The following SPEG variants were observed in gnomAD, a reference collection of about 807,000 sequenced individuals.
The protein encoded by SPEG is striated muscle preferentially expressed protein kinase.
In SPEG, 114 loss-of-function variants were observed where a neutral mutation model predicts 300.4. The ratio of observed to expected loss-of-function variants is 0.38; its 90% CI spans 0.33 to 0.44. The LOEUF (loss-of-function observed/expected upper bound fraction) is 0.44. SPEG is among the 20% of genes least tolerant of loss of function. The pLI is 1.00. For missense variants in SPEG, 4,201 were observed against 4,586.2 expected, an observed-to-expected ratio of 0.92 and a Z score of 2.43; for synonymous variants, 1,964 against 2,018.9, an observed-to-expected ratio of 0.97 and a Z score of 0.73.
rs1484858056 is a variant in SPEG at position 219,442,115 on chromosome 2, G to A, written c.389-2538G>A. The A allele has an allele frequency of 5.1e-6, 6 of 1,178,808 alleles. No individual in the cohort carries two copies. In the Admixed American group the frequency reaches 2.3e-4, roughly 45 times the overall value. The allele number at this position is 1,178,808 out of a possible 1,614,324, so 73.0% of individuals were successfully genotyped here. On this transcript the variant is annotated intron_variant, in intron 1 of 40. Coordinates refer to ENST00000312358, the MANE Select transcript of SPEG (RefSeq NM_005876.5). ...GCTCCGGGGGCGGGCGGCGCCGGGA[G>A]GGGGCAGGGAGGCCTGGGCGCCCCG...
In SPEG at chr2:219,473,095, C is replaced by A; in HGVS notation, c.4146C>A (p.His1382Gln). Residue 1382 changes from histidine to glutamine, a missense_variant and splice_region_variant, in exon 16 of 41, where the codon CAC becomes CAA. By Grantham distance (24) the His-to-Gln change is conservative. Around this residue, in one of 4 missense-constraint regions of SPEG, gnomAD observed 1,047 missense variants for 1,356.8 expected, o/e 0.77. Coordinates refer to ENST00000312358, the MANE Select transcript of SPEG (RefSeq NM_005876.5). The surrounding 1 kb of genome is among the most constrained non-coding windows in gnomAD (Gnocchi z 4.6). ...PPSEPVQLLE[H>Q]GPTLEEAPAM... Reference sequence around the variant, plus strand: ...CTGAGCCTGTGCAGCTGCTGGAGCACGGTGAGCCTGGGTGCTCCTGTCGGG... The same window carrying A: ...CTGAGCCTGTGCAGCTGCTGGAGCAAGGTGAGCCTGGGTGCTCCTGTCGGG... 1 of 1,613,234 alleles carries A rather than the reference C, an allele frequency of 6.2e-7. No individual in the cohort carries two copies. The highest frequency in any genetic ancestry group is 8.5e-7 in the Non-Finnish European group (1 of 1,179,822).
rs749373078 is a variant in SPEG at position 219,488,579 on chromosome 2, C to T, written c.7940C>T (p.Ala2647Val). 46 of 1,612,002 alleles carry T rather than the reference C, an allele frequency of 2.9e-5. No individual in the cohort carries two copies. Among genetic ancestry groups the T allele is most frequent in the South Asian group, 4.4e-5 (4 of 90,908 alleles). The change falls in exon 33 of 41, where the codon GCG becomes GTG. Residue 2647 changes from alanine to valine, a missense_variant. Ala to Val is a moderately conservative substitution (Grantham distance 64). This residue lies in a region of SPEG where 1,578 missense variants were observed against 1,506.0 expected (regional missense o/e 1.05). Transcript: ENST00000312358. ...CGGCAGCTGCTCAGCATCCCCCGGG[C>T]GGGCAAGCGGCACGCCGGTCTCTAT... ...DGRQLLSIPR[A>V]GKRHAGLYEC...
In SPEG at chr2:219,475,960, G is replaced by A. The variant is rs534411916; in HGVS notation, c.4448-910G>A. On this transcript the variant is annotated intron_variant, in intron 18 of 40. Coordinates refer to ENST00000312358, the MANE Select transcript of SPEG (RefSeq NM_005876.5). ...GAAGGGTGGGGGTCCACACCCGGCCGCCCTGCCTTCCCAAGTGCCTGACTC... is the reference window on the plus strand; with the variant it reads ...GAAGGGTGGGGGTCCACACCCGGCCACCCTGCCTTCCCAAGTGCCTGACTC... Among the ~76,000 whole-genome samples, 266 of 144,870 alleles carry A rather than the reference G, an allele frequency of 1.8e-3. 1 individual carries two copies. Among genetic ancestry groups the A allele is most frequent in the African/African-American group, 6.1e-3 (246 of 40,378 alleles).
In SPEG at chr2:219,481,689, A is replaced by G. The variant is rs561688529; in HGVS notation, c.5565+9A>G. On this transcript the variant is annotated intron_variant, in intron 28 of 40. Transcript: ENST00000312358. This position sits in a 1 kb window ranked among gnomAD's most constrained non-coding sequence, Gnocchi z 5.4. Reference sequence around the variant, plus strand: ...AACATCCTTGGTTCAAAGTGAGTCTAGTCTGCAAAGTGGTGGCACAAAAGG... The same window carrying G: ...AACATCCTTGGTTCAAAGTGAGTCTGGTCTGCAAAGTGGTGGCACAAAAGG... 19 of 1,613,818 alleles carry G rather than the reference A, an allele frequency of 1.2e-5. 1 individual carries two copies. In the South Asian group the frequency reaches 2.0e-4, roughly 17 times the overall value.
Position 219,493,059 on chromosome 2 carries a change from GGA to G in SPEG, c.*277_*278del. On this transcript the variant is annotated 3_prime_UTR_variant, in exon 41 of 41. Coordinates refer to ENST00000312358, the MANE Select transcript of SPEG (RefSeq NM_005876.5). ...AGGGACAAGAGGGGAATGGAGAAGT[GGA>G]GAGGAAAAGGAATCGAGGGACAGGA... The G allele has an allele frequency of 1.5e-6, 1 of 681,656 alleles. No individual in the cohort carries two copies. Among genetic ancestry groups the G allele is most frequent in the Non-Finnish European group, 2.7e-6 (1 of 371,902 alleles). 42.2% of individuals were successfully genotyped at this position (681,656 alleles called of 1,614,324 possible). A position where few individuals can be genotyped will look rare whatever the true frequency, so the allele number is the denominator to read the frequency against.
Position 219,444,782 on chromosome 2 carries a change from T to G in SPEG, c.478+40T>G. ...TGTACAAAGAGCAGGCAGGCGGGTT[T>G]TCCATAAGGGGTGCCTCAGTCTCAC... On this transcript the variant is annotated intron_variant, in intron 2 of 40. Transcript: ENST00000312358. The surrounding 1 kb of genome is among the most constrained non-coding windows in gnomAD (Gnocchi z 7.8). 1 of 1,612,016 alleles carries G rather than the reference T, an allele frequency of 6.2e-7. No homozygotes were observed. Among genetic ancestry groups the G allele is most frequent in the Non-Finnish European group, 8.5e-7 (1 of 1,178,752 alleles).
rs539979343 is a variant in SPEG, at chr2:219,481,906, T to C, written c.5565+226T>C. On this transcript the variant is annotated intron_variant, in intron 28 of 40. Transcript: ENST00000312358. This position sits in a 1 kb window ranked among gnomAD's most constrained non-coding sequence, Gnocchi z 5.4. ...GTGATGGAGTTGGGGGTATACATAC[T>C]GGACTCCAGGGCATACGTCTGGACC... Among the ~76,000 whole-genome samples the C allele has an allele frequency of 5.8e-4, 88 of 152,366 alleles. No homozygotes were observed. The highest frequency in any genetic ancestry group is 8.2e-4 in the Non-Finnish European group (56 of 68,034).
At chr2:219,436,238 C>T (rs1954715525) in intron 1 of SPEG, among the ~76,000 whole-genome samples, 1 of 152,222 alleles carries the variant, frequency 6.6e-6, no homozygotes. Context: ...AAGGGGAGGG[C>T]AAGAGGCTGG....
At chr2:219,446,801 G>A (rs1230282922) in intron 3 of SPEG, among the ~76,000 whole-genome samples, 1 of 152,150 alleles carries the variant, frequency 6.6e-6, no homozygotes, top group Non-Finnish European at 1.5e-5. Context: ...TTCTTCATCT[G>A]TAAATGGGGG....
At position 219,478,034 on chromosome 2, in the gene SPEG, C is replaced by T; in HGVS notation, c.4956C>T (p.Leu1652=). 1.2e-5 allele frequency: 20 copies of T among 1,614,200 alleles called. No individual in the cohort carries two copies. Among genetic ancestry groups the T allele is most frequent in the Non-Finnish European group, 1.7e-5 (20 of 1,180,048 alleles). Residue 1652 remains leucine (L), a synonymous_variant, in exon 22 of 41, where the codon CTC becomes CTT. Transcript: ENST00000312358. The stretch of plus-strand genomic sequence containing the variant: ...GGGAGGCCCGGCTGCTGGCCAGGCT[C>T]CAGCACGACTGTGTCCTCTACTTCC... The part of the protein sequence containing the change: ...ARREARLLAR[L]QHDCVLYFHE...
At position 219,439,078 on chromosome 2, in the gene SPEG, T is replaced by C. The variant is rs1299228970; in HGVS notation, c.388+3713T>C. 6.6e-6 allele frequency among the ~76,000 whole-genome samples: 1 copy of C among 152,098 alleles called. No homozygotes were observed. Among genetic ancestry groups the C allele is most frequent in the Non-Finnish European group, 1.5e-5 (1 of 68,000 alleles). On this transcript the variant is annotated intron_variant, in intron 1 of 40. Coordinates refer to ENST00000312358, the MANE Select transcript of SPEG (RefSeq NM_005876.5). This position sits in a 1 kb window ranked among gnomAD's most constrained non-coding sequence, Gnocchi z 4.5. Reference sequence around the variant, plus strand: ...GGCCAGAGTGGGAGCAGAGAGGAGCTCTGGGACCCTCTCCAGGGGAATCCT... The same window carrying C: ...GGCCAGAGTGGGAGCAGAGAGGAGCCCTGGGACCCTCTCCAGGGGAATCCT...
At chr2:219,461,194 C>G (rs1690657251) in intron 6 of SPEG, 2 of 985,982 alleles carry the variant, frequency 2.0e-6, no homozygotes, top group African/African-American at 3.5e-5. Context: ...CTGGTGCCCC[C>G]CTCCTCTTCC....
chr2:219,492,185 A>T lies in SPEG; in HGVS notation c.9536A>T (p.Asp3179Val). ...TEARIVGGRF[D>V]AFQLYPNTSQ... is the part of the protein sequence containing the mutation. The stretch of plus-strand genomic sequence containing the variant: ...GCTCGGATTGTGGGGGGCCGCTTTG[A>T]TGCCTTCCAGCTGTACCCCAATACA... Residue 3179 changes from aspartate to valine, a missense_variant, in exon 40 of 41, where the codon GAT becomes GTT. Physicochemically the swap from Asp to Val is radical, Grantham distance 152. Around this residue, in one of 4 missense-constraint regions of SPEG, gnomAD observed 318 missense variants for 429.5 expected, o/e 0.74. Transcript: ENST00000312358. 6.2e-7 allele frequency: 1 copy of T among 1,613,632 alleles called. No individual in the cohort carries two copies. Among genetic ancestry groups the T allele is most frequent in the Non-Finnish European group, 8.5e-7 (1 of 1,179,880 alleles).
At chr2:219,466,364 A>C in intron 9 of SPEG, 1 of 1,388,224 alleles carries the variant, frequency 7.2e-7, no homozygotes, top group Non-Finnish European at 9.3e-7. Context: ...TCTCTCCCTG[A>C]AGGGGAGCAC....
In SPEG at chr2:219,451,482, C is replaced by T; in HGVS notation, c.2258-143C>T. On this transcript the variant is annotated intron_variant, in intron 5 of 40. Coordinates refer to ENST00000312358, the MANE Select transcript of SPEG (RefSeq NM_005876.5). The surrounding 1 kb of genome is among the most constrained non-coding windows in gnomAD (Gnocchi z 6.4). ...AGAAGGGAGGGCAACCTGAGCTTCC[C>T]AAAATGAGGGCGGACTCTTCCAGAT... 1.8e-6 allele frequency: 2 copies of T among 1,133,654 alleles called. No individual in the cohort carries two copies. The allele number at this position is 1,133,654 out of a possible 1,614,324, so 70.2% of individuals were successfully genotyped here.
Position 219,467,390 on chromosome 2 carries a change from A to C in SPEG, c.3098A>C (p.Glu1033Ala), listed in dbSNP as rs1242319816. 6.2e-7 allele frequency: 1 copy of C among 1,612,138 alleles called. No individual in the cohort carries two copies. The highest frequency in any genetic ancestry group is 2.2e-5 in the East Asian group (1 of 44,874). The change falls in exon 10 of 41, where the codon GAG becomes GCG. Residue 1033 changes from glutamate to alanine, a missense_variant. Around this residue, in one of 4 missense-constraint regions of SPEG, gnomAD observed 1,047 missense variants for 1,356.8 expected, o/e 0.77. Coordinates refer to ENST00000312358, the MANE Select transcript of SPEG (RefSeq NM_005876.5). ...AAGCTGCTACTTACATCTGTACATG[A>C]GGACGACAGTGGCGTCTACACCTGC... ...KCKLLLTSVH[E>A]DDSGVYTCKL...
At position 219,479,912 on chromosome 2, in the gene SPEG, G is replaced by A. The variant is rs1342944993; in HGVS notation, c.5164-50G>A. ...GCCCCTGTGGGAGCCAGGAGGTGAA[G>A]CATCCTTCCTTGTTCATTTGGCCCG... On this transcript the variant is annotated intron_variant, in intron 24 of 40. Transcript: ENST00000312358. This position sits in a 1 kb window ranked among gnomAD's most constrained non-coding sequence, Gnocchi z 5.5. The A allele has an allele frequency of 1.9e-6, 3 of 1,614,098 alleles. No individual in the cohort carries two copies. The highest frequency in any genetic ancestry group is 1.7e-6 in the Non-Finnish European group (2 of 1,179,962).
At chr2:219,462,191 C>A in intron 7 of SPEG, 107 bp from the exon 8 acceptor site, 1 of 1,198,270 alleles carries the variant, frequency 8.3e-7, no homozygotes, top group Non-Finnish European at 1.2e-6. Context: ...TTACCCAGAG[C>A]CAGTCTCAGC....
rs1201279036 is a variant in SPEG, at chr2:219,477,171, T to G, written c.4561-106T>G. The G allele has an allele frequency of 1.5e-5, 14 of 920,720 alleles. No individual in the cohort carries two copies. In the Admixed American group the frequency reaches 4.0e-4, roughly 26 times the overall value. 57.0% of individuals were successfully genotyped at this position (920,720 alleles called of 1,614,324 possible). On this transcript the variant is annotated intron_variant, in intron 19 of 40. Transcript: ENST00000312358. This position sits in a 1 kb window ranked among gnomAD's most constrained non-coding sequence, Gnocchi z 6.4. ...TGTGGGAGATAAGGGAGGAGCTGAC[T>G]CTGGGTCCTGGTGAGAGATGCGCTG...
Sources: gnomAD v4.1 joint callset for allele counts (sites outside exome capture counted in the v4.1 genomes callset) on GRCh38, gnomAD v4.1.1 for gene constraint, gnomAD v4.1.1 regional missense constraint, Gnocchi (gnomAD v3.1) non-coding constraint, MANE v1.5 for transcripts, NCBI Gene and HGNC (gene_info 2026-07-23, HGNC 2026-07-21) for gene names.